Variants in CNTN3 observed in about 807,000 individuals in gnomAD.
CNTN3 encodes contactin 3, also known as contactin-3.
CNTN3 carries 60 observed loss-of-function variants against 119.1 expected under a neutral mutation model. That is an observed-to-expected ratio of 0.50 (90% CI 0.41 to 0.62). The LOEUF (loss-of-function observed/expected upper bound fraction) is 0.62. CNTN3 is among the 20% of genes least tolerant of loss of function. CNTN3 has a pLI of 0.00. For missense variants in CNTN3, 1,101 were observed against 1,242.4 expected (o/e 0.89, Z 1.71); for synonymous variants, 450 against 438.7 (o/e 1.03, Z -0.32).
At chr3:74,486,327 A>C (rs1702858131) in intron 4 of CNTN3, 129 bp downstream of exon 4, 1 of 791,606 alleles carries the variant, frequency 1.3e-6, no homozygotes, top group Non-Finnish European at 2.0e-6. Flanking sequence ...ATCATACTGA[A>C]TTGCTTTCTC....
intron 11 of CNTN3, among the ~76,000 whole-genome samples, chr3:74,353,704 C>T (rs1348628297): frequency 1.3e-5 from 2 of 151,810 alleles, no homozygotes; most frequent in Admixed American, 1.3e-4. Context: ...TGCAGTGAGC[C>T]GAGATTGCGC....
intron 11 of CNTN3, among the ~76,000 whole-genome samples, chr3:74,356,604 T>C (rs1234875995): frequency 6.6e-6 from 1 of 152,094 alleles, no homozygotes; most frequent in Non-Finnish European, 1.5e-5. Flanking sequence ...AAATACCTAG[T>C]GCCTAGCATA....
At chr3:74,584,930 T>C (rs753886645) in intron 1 of CNTN3, among the ~76,000 whole-genome samples, 8 of 152,036 alleles carry the variant, frequency 5.3e-5, no homozygotes, top group Admixed American at 2.0e-4. Flanking sequence ...CTCAGTAAAT[T>C]GGCCAATCCC....
rs764619298 is a variant in CNTN3, at chr3:74,299,893, C to T, written c.2141G>A (p.Arg714Gln). The T allele has an allele frequency of 1.7e-5, 27 of 1,606,034 alleles. No homozygotes were observed. Among genetic ancestry groups the T allele is most frequent in the South Asian group, 7.9e-5 (7 of 88,768 alleles). The stretch of plus-strand genomic sequence containing the variant: ...ATCCCAGGTTATCACAAGTTCAGAC[C>T]GGCTTCCGCCTCCTCCATTGACTTC... ...PSEVNGGGGS[R>Q]SELVITWDPV... The change falls in exon 17 of 23, where the codon CGG (arginine) becomes CAG (glutamine). Residue 714 changes from arginine to glutamine, a missense_variant. By Grantham distance (43) the Arg-to-Gln change is conservative. Coordinates refer to ENST00000263665, the MANE Select transcript of CNTN3 (RefSeq NM_020872.3).
chr3:74,435,609 G>A (rs1490522626), intron 4 of CNTN3, among the ~76,000 whole-genome samples: 4 of 152,162 alleles, frequency 2.6e-5, no homozygotes, highest in Non-Finnish European at 5.9e-5. Context: ...CTGAGTAAAT[G>A]GGGATATGAA....
chr3:74,572,555 AAC>A (rs1344475463), intron 1 of CNTN3, among the ~76,000 whole-genome samples: 1 of 152,200 alleles, frequency 6.6e-6, no homozygotes, highest in Non-Finnish European at 1.5e-5. Flanking sequence ...GTTCATGTAA[AAC>A]ACATATACAA....
Position 74,420,433 on chromosome 3 carries a change from T to C in CNTN3, c.454+4412A>G, listed in dbSNP as rs879613796. Among the ~76,000 whole-genome samples, 5 of 152,294 alleles carry C rather than the reference T, an allele frequency of 3.3e-5. No homozygotes were observed. In the East Asian group the frequency reaches 7.7e-4, roughly 24 times the overall value. ...CTTCCCAATCTAGTTATGGAGAACA[T>C]TTCTGGGTTTTATCCCAAATAAACA... On this transcript the variant is annotated intron_variant, in intron 5 of 22. Transcript: ENST00000263665.
intron 4 of CNTN3, among the ~76,000 whole-genome samples, chr3:74,442,682 T>C (rs9846979): frequency 0.45 from 67,744 of 151,946 alleles, 15,192 homozygotes; most frequent in East Asian, 0.57. Flanking sequence ...CCCCAGTAGC[T>C]CCATGGGTGG....
rs375352690 is a variant in CNTN3, at chr3:74,522,700, G to GCTGGAGTATTTA, written c.-80-1509_-80-1508insTAAATACTCCAG. 3.8e-3 allele frequency among the ~76,000 whole-genome samples: 581 copies of GCTGGAGTATTTA among 151,738 alleles called. 2 individuals carry two copies. Among genetic ancestry groups the GCTGGAGTATTTA allele is most frequent in the African/African-American group, 0.013 (521 of 41,436 alleles). On this transcript the variant is annotated intron_variant, in intron 1 of 22. Coordinates refer to ENST00000263665, the MANE Select transcript of CNTN3 (RefSeq NM_020872.3). ...GTTATTCTTGCAAAGGGGCAAGGCA[G>GCTGGAGTATTTA]CACCAGTTCCCATAATAGTAGTAAT...
At chr3:74,295,066 G>T in intron 19 of CNTN3, 55 bp downstream of exon 19, 2 of 1,215,224 alleles carry the variant, frequency 1.6e-6, no homozygotes, top group South Asian at 1.4e-5. Context: ...TTAAATTCAA[G>T]GAGACAAAGT....
intron 4 of CNTN3, among the ~76,000 whole-genome samples, chr3:74,436,964 A>C (rs745710080): frequency 6.6e-6 from 1 of 152,174 alleles, no homozygotes; most frequent in Non-Finnish European, 1.5e-5. Flanking sequence ...AAAACAAAAA[A>C]CACACACAGT....
chr3:74,464,782 A>G (rs769996337), intron 4 of CNTN3, among the ~76,000 whole-genome samples: 2 of 152,234 alleles, frequency 1.3e-5, no homozygotes, highest in African/African-American at 2.4e-5. Context: ...TAAATTAATT[A>G]CAATATAAAA....
At chr3:74,483,931 G>C (rs13078817) in intron 4 of CNTN3, among the ~76,000 whole-genome samples, 72,060 of 151,908 alleles carry the variant, frequency 0.47, 20,102 homozygotes, top group Non-Finnish European at 0.63. Context: ...GAGGTATTTT[G>C]TCATACATGT....
chr3:74,433,738 A>G (rs1701823165), intron 4 of CNTN3, among the ~76,000 whole-genome samples: 1 of 152,204 alleles, frequency 6.6e-6, no homozygotes, highest in Non-Finnish European at 1.5e-5. Context: ...AGCCCATGCC[A>G]TGCACATAAG....
intron 1 of CNTN3, among the ~76,000 whole-genome samples, chr3:74,582,176 G>A (rs1183000553): frequency 2.0e-5 from 3 of 152,142 alleles, no homozygotes; most frequent in African/African-American, 7.2e-5. Context: ...GGAGGCAGAG[G>A]TGGATGGATC....
Position 74,346,388 on chromosome 3 carries a change from T to TTA in CNTN3, c.1365-9732_1365-9731dup, listed in dbSNP as rs199555399. ...TAGATTTTTATATATTCCTTCTCAA[T>TTA]TATATATATATATTTTTAGAATTTC... On this transcript the variant is annotated intron_variant, in intron 11 of 22. Transcript: ENST00000263665. 2.9e-3 allele frequency among the ~76,000 whole-genome samples: 444 copies of TTA among 151,520 alleles called. 4 individuals carry two copies. Among genetic ancestry groups the TTA allele is most frequent in the Middle Eastern group, 0.014 (4 of 292 alleles).
chr3:74,368,852 T>C (rs145755808), intron 8 of CNTN3, among the ~76,000 whole-genome samples: 3 of 151,990 alleles, frequency 2.0e-5, no homozygotes, highest in South Asian at 2.1e-4. Flanking sequence ...ATACAAAACC[T>C]GTTTTCTAGA....
chr3:74,378,366 G>T (rs529027343), intron 5 of CNTN3, among the ~76,000 whole-genome samples: 1 of 152,322 alleles, frequency 6.6e-6, no homozygotes, highest in South Asian at 2.1e-4. Context: ...TTTAAAAGCT[G>T]TATTGTAAGT....
At chr3:74,502,560 C>T (rs566858226) in intron 2 of CNTN3, among the ~76,000 whole-genome samples, 1 of 152,236 alleles carries the variant, frequency 6.6e-6, no homozygotes, top group African/African-American at 2.4e-5. Context: ...CTATTTACAT[C>T]CTTTGCTTCT....
Sources: allele counts gnomAD v4.1 joint callset (sites outside exome capture counted in the v4.1 genomes callset), GRCh38; gene constraint gnomAD v4.1.1; transcripts MANE v1.5; gene names NCBI Gene and HGNC (gene_info 2026-07-23, HGNC 2026-07-21).